CTNNA2: variants seen among roughly 807,000 people sequenced by gnomAD.
The protein encoded by CTNNA2 is catenin alpha-2.
In CTNNA2, 42 loss-of-function variants were observed where a neutral mutation model predicts 101.0. That is an observed-to-expected ratio of 0.42 (90% CI 0.32 to 0.54). CTNNA2 has a LOEUF of 0.54. Ranked by LOEUF, CTNNA2 falls within the 20% of genes least tolerant of loss-of-function variation. CTNNA2 has a pLI of 0.14. For synonymous variants in CTNNA2, 450 were observed against 456.4 expected (o/e 0.99, Z 0.18); for missense variants, 871 against 1,223.1 (o/e 0.71, Z 4.29).
chr2:79,881,439 G>A (rs955977480), intron 6 of CTNNA2, among the ~76,000 whole-genome samples: 1 of 151,950 alleles, frequency 6.6e-6, no homozygotes, highest in African/African-American at 2.4e-5. Flanking sequence ...ATTGTGTGTA[G>A]AGACCTATTA....
intron 2 of CTNNA2, among the ~76,000 whole-genome samples, chr2:79,204,596 T>C (rs1674078028): frequency 6.6e-6 from 1 of 152,248 alleles, no homozygotes; most frequent in Admixed American, 6.5e-5. Context: ...CCAGTTGTGT[T>C]AGTCCTCTTT....
At chr2:80,512,242 T>A (rs1031797670) in intron 9 of CTNNA2, among the ~76,000 whole-genome samples, 1 of 151,692 alleles carries the variant, frequency 6.6e-6, no homozygotes, top group Non-Finnish European at 1.5e-5. Context: ...ATAATGTAGA[T>A]GTTTTAAAAA....
chr2:79,636,785 C>G (rs924001104), intron 1 of CTNNA2: 2 of 152,064 alleles, frequency 1.3e-5, no homozygotes, highest in African/African-American at 4.8e-5. Flanking sequence ...GCATATCTTT[C>G]CAGACTTTTT....
chr2:79,764,347 C>G (rs1353581332), intron 3 of CTNNA2, among the ~76,000 whole-genome samples: 3 of 152,248 alleles, frequency 2.0e-5, no homozygotes, highest in African/African-American at 7.2e-5. Flanking sequence ...TTATACAAAA[C>G]TATAGGCAAC....
intron 2 of CTNNA2, among the ~76,000 whole-genome samples, chr2:79,307,590 T>C (rs1676276847): frequency 2.0e-5 from 3 of 152,218 alleles, no homozygotes; most frequent in Admixed American, 2.0e-4. Context: ...TTCTATTGTG[T>C]ATATATATCA....
At chr2:80,019,204 T>G (rs2104088897) in intron 7 of CTNNA2, among the ~76,000 whole-genome samples, 1 of 152,096 alleles carries the variant, frequency 6.6e-6, no homozygotes, top group South Asian at 2.1e-4. Flanking sequence ...TGAGTGGGGG[T>G]CCTGGAACCA....
At chr2:79,908,867 C>T (rs573105455) in intron 6 of CTNNA2, among the ~76,000 whole-genome samples, 2 of 152,336 alleles carry the variant, frequency 1.3e-5, no homozygotes, top group African/African-American at 2.4e-5. Flanking sequence ...GGCATCTCTG[C>T]CCACATGTTT....
intron 4 of CTNNA2, among the ~76,000 whole-genome samples, chr2:79,392,879 A>C (rs17017033): frequency 2.6e-5 from 4 of 152,228 alleles, no homozygotes; most frequent in Non-Finnish European, 5.9e-5. Context: ...TTTCAAATGA[A>C]TAGCTTTTAG....
intron 7 of CTNNA2, among the ~76,000 whole-genome samples, chr2:80,363,292 CGATTTGACA>C (rs1289600747): frequency 6.6e-6 from 1 of 151,792 alleles, no homozygotes; most frequent in Non-Finnish European, 1.5e-5. Context: ...AGAGGTACTT[CGATTTGACA>C]GATTTGACAT....
In CTNNA2 at chr2:80,217,296, A is replaced by T. The variant is rs532669716; in HGVS notation, c.1057-175915A>T. Reference sequence around the variant, plus strand: ...ATGCCCATTTTTACATTGGTTTCTAAACCCATAACTTCATATAACTTCATC... The same window carrying T: ...ATGCCCATTTTTACATTGGTTTCTATACCCATAACTTCATATAACTTCATC... On this transcript the variant is annotated intron_variant, in intron 7 of 18. Transcript: ENST00000402739. 2.0e-5 allele frequency among the ~76,000 whole-genome samples: 3 copies of T among 152,176 alleles called. No homozygotes were observed. The East Asian group carries it at 5.8e-4, about 29-fold the overall frequency.
chr2:80,355,219 G>T (rs114242170), intron 7 of CTNNA2, among the ~76,000 whole-genome samples: 1,673 of 152,160 alleles, frequency 0.011, 18 homozygotes, highest in South Asian at 0.057. Context: ...AATATTCTCA[G>T]CTAAAAAGCA....
chr2:80,240,176 C>T (rs1670810421), intron 7 of CTNNA2, among the ~76,000 whole-genome samples: 1 of 152,084 alleles, frequency 6.6e-6, no homozygotes. Flanking sequence ...TGGTTCATCC[C>T]AATGGAAGGT....
intron 9 of CTNNA2, among the ~76,000 whole-genome samples, chr2:80,544,648 T>TC (rs1183374486): frequency 6.6e-6 from 1 of 152,098 alleles, no homozygotes; most frequent in Non-Finnish European, 1.5e-5. Context: ...ATGGCCGAGA[T>TC]CACAGGGTTT....
chr2:80,065,043 C>G (rs1047208269), intron 7 of CTNNA2, among the ~76,000 whole-genome samples: 1 of 152,098 alleles, frequency 6.6e-6, no homozygotes, highest in African/African-American at 2.4e-5. Flanking sequence ...AGTAAAAACC[C>G]TTTTGCTGAC....
At chr2:79,213,353 T>C (rs754030305) in intron 2 of CTNNA2, among the ~76,000 whole-genome samples, 1 of 152,108 alleles carries the variant, frequency 6.6e-6, no homozygotes, top group Non-Finnish European at 1.5e-5. Context: ...AGGACCCTTG[T>C]GTAGTGAGGA....
intron 4 of CTNNA2, among the ~76,000 whole-genome samples, chr2:79,448,900 G>A (rs1415509755): frequency 2.0e-5 from 3 of 152,034 alleles, no homozygotes; most frequent in Non-Finnish European, 2.9e-5. Flanking sequence ...ATCCATCAGA[G>A]TTTATGTGCA....
intron 7 of CTNNA2, among the ~76,000 whole-genome samples, chr2:80,344,547 T>C (rs967095161): frequency 1.3e-5 from 2 of 152,158 alleles, no homozygotes; most frequent in African/African-American, 4.8e-5. Flanking sequence ...TGCAGTGCCA[T>C]GATCTTGGCT....
At chr2:80,404,914 C>G (rs1415546659) in intron 8 of CTNNA2, among the ~76,000 whole-genome samples, 1 of 152,152 alleles carries the variant, frequency 6.6e-6, no homozygotes, top group African/African-American at 2.4e-5. Flanking sequence ...CTTCCTATGT[C>G]TAAGCCCCAG....
chr2:79,332,866 C>T (rs1251996120), intron 3 of CTNNA2, among the ~76,000 whole-genome samples: 1 of 152,088 alleles, frequency 6.6e-6, no homozygotes, highest in Non-Finnish European at 1.5e-5. Context: ...AGCATTTCTA[C>T]AGCTCAAGAA....
Sources: gnomAD v4.1 joint callset for allele counts (sites outside exome capture counted in the v4.1 genomes callset) on GRCh38, gnomAD v4.1.1 for gene constraint, MANE v1.5 for transcripts, NCBI Gene and HGNC (gene_info 2026-07-23, HGNC 2026-07-21) for gene names.